The following ABCC10 variants were observed in gnomAD, a reference collection of about 807,000 sequenced individuals.
The protein encoded by ABCC10 is ATP binding cassette subfamily C member 10.
In ABCC10, 110 loss-of-function variants were observed where a neutral mutation model predicts 143.2. The observed-to-expected ratio is 0.77, with a 90% CI of 0.66 to 0.90. ABCC10 has a LOEUF of 0.90. Ranked by LOEUF, ABCC10 falls within the 40% of genes least tolerant of loss-of-function variation. The pLI is 0.00. For missense variants in ABCC10, 1,700 were observed against 1,900.5 expected (o/e 0.89, Z 1.96); for synonymous variants, 805 against 846.7 (o/e 0.95, Z 0.85).
chr6:43,446,445 A>G lies in ABCC10; in HGVS notation c.3543A>G (p.Pro1181=), dbSNP rs1031944381. The G allele has an allele frequency of 6.2e-6, 10 of 1,609,830 alleles. No homozygotes were observed. In the African/African-American group the frequency reaches 1.1e-4, roughly 17 times the overall value. Residue 1181 remains proline, a splice_region_variant and synonymous_variant, in exon 16 of 22, where the codon CCA becomes CCG. Transcript: ENST00000372530. ...LVQHQQGLAN[P]GLVGLSLSYA... ...AGCACCAGCAGGGCCTCGCTAACCC[A>G]GGTGCCACCCAGGACCCCTCACCCC...
chr6:43,451,867 T>C (rs1783764664), downstream of ABCC10: 6 of 1,579,888 alleles, frequency 3.8e-6, no homozygotes. This position sits in a 1 kb window ranked among gnomAD's most constrained non-coding sequence, Gnocchi z 4.4. Flanking sequence ...CTCCCAACAG[T>C]CCTGCCTCTT....
At chr6:43,429,579 A>C (rs1352686137) in intron 2 of ABCC10, among the ~76,000 whole-genome samples, 1 of 152,054 alleles carries the variant, frequency 6.6e-6, no homozygotes, top group African/African-American at 2.4e-5. Context: ...CCACAAGTGC[A>C]TGCCACCACA....
At chr6:43,433,602 C>G (rs1313577035) in intron 3 of ABCC10, among the ~76,000 whole-genome samples, 2 of 152,224 alleles carry the variant, frequency 1.3e-5, no homozygotes, top group African/African-American at 2.4e-5. Flanking sequence ...ATAGTAGTAG[C>G]TTACCTTGTA....
chr6:43,437,965 G>C lies in ABCC10; in HGVS notation c.1907G>C (p.Gly636Ala). The C allele has an allele frequency of 6.2e-7, 1 of 1,613,318 alleles. No individual in the cohort carries two copies. The highest frequency in any genetic ancestry group is 8.5e-7 in the Non-Finnish European group (1 of 1,179,784). Residue 636 changes from glycine (G) to alanine (A), a missense_variant, in exon 7 of 22, where the codon GGC becomes GCC. By Grantham distance (60) the Gly-to-Ala change is moderately conservative. Coordinates refer to ENST00000372530, the MANE Select transcript of ABCC10 (RefSeq NM_001198934.2). Reference protein sequence around the residue: ...GMLVGIVGKVGCGKSSLLAAI... With the variant: ...GMLVGIVGKVACGKSSLLAAI... ...CTGGTGGGCATCGTGGGGAAGGTCG[G>C]CTGTGGGAAGAGCTCCCTGCTGGCT...
chr6:43,439,506 G>A (rs892990016), intron 8 of ABCC10, among the ~76,000 whole-genome samples: 2 of 151,752 alleles, frequency 1.3e-5, no homozygotes, highest in Non-Finnish European at 2.9e-5. Flanking sequence ...GGGCTCAAAT[G>A]ATCCTCCCAC....
At position 43,433,055 on chromosome 6, in the gene ABCC10, G is replaced by A. The variant is rs1277726330; in HGVS notation, c.1075G>A (p.Val359Met). ...YKVTLQARGA[V>M]LNILYCKALQ... is the part of the protein sequence containing the mutation. ...GGTAACACTTCAGGCACGGGGGGCT[G>A]TGCTGAACATCCTGTACTGCAAGGC... Residue 359 changes from valine to methionine, a missense_variant, in exon 3 of 22, where the codon GTG (valine) becomes ATG (methionine). Val to Met is a conservative substitution (Grantham distance 21). Transcript: ENST00000372530. 1.2e-6 allele frequency: 2 copies of A among 1,614,074 alleles called. No individual in the cohort carries two copies. The highest frequency in any genetic ancestry group is 4.5e-5 in the East Asian group (2 of 44,896).
Position 43,449,045 on chromosome 6 carries a change from C to T in ABCC10, c.4105+19C>T, listed in dbSNP as rs1161198361. The T allele has an allele frequency of 1.9e-6, 3 of 1,613,302 alleles. No individual in the cohort carries two copies. Among genetic ancestry groups the T allele is most frequent in the Admixed American group, 1.7e-5 (1 of 59,982 alleles). ...TCCATGGGTGAGTGCTGGACCCTGA[C>T]CTTAGAGCAAGAAGGGAGCAGGGAT... On this transcript the variant is annotated intron_variant, in intron 19 of 21. Coordinates refer to ENST00000372530, the MANE Select transcript of ABCC10 (RefSeq NM_001198934.2).
chr6:43,445,225 T>C lies in ABCC10; in HGVS notation c.2941T>C (p.Cys981Arg). The change falls in exon 14 of 22, where the codon TGC becomes CGC. Residue 981 changes from cysteine (C) to arginine (R), a missense_variant. Transcript: ENST00000372530. ...GACCATTGCTGGTGTAAATTCCCTC[T>C]GCACCCTTCTCCGGGCAGTGCTCTT... is the stretch of plus-strand genomic sequence containing the variant. ...YATIAGVNSLCTLLRAVLFAA... is the reference protein window; with the variant it reads ...YATIAGVNSLRTLLRAVLFAA... The C allele has an allele frequency of 6.2e-7, 1 of 1,614,096 alleles. No homozygotes were observed. The highest frequency in any genetic ancestry group is 2.2e-5 in the East Asian group (1 of 44,872).
At chr6:43,451,629 C>T (rs116610048), downstream of ABCC10, among the ~76,000 whole-genome samples, 1,034 of 152,222 alleles carry the variant, frequency 6.8e-3, 16 homozygotes, top group African/African-American at 0.023. The surrounding 1 kb of genome is among the most constrained non-coding windows in gnomAD (Gnocchi z 4.4). Context: ...TGCAAGCCAG[C>T]GTTCAGGAGA....
intron 16 of ABCC10, 194 bp from the exon 17 acceptor site, chr6:43,447,054 G>T (rs1388981474): frequency 4.9e-6 from 4 of 810,580 alleles, no homozygotes; most frequent in African/African-American, 3.5e-5. Flanking sequence ...CACCATGTTG[G>T]CCAGGCTGGT....
chr6:43,432,563 C>G lies in ABCC10; in HGVS notation c.583C>G (p.Pro195Ala), dbSNP rs1169697092. 1.9e-6 allele frequency: 3 copies of G among 1,613,296 alleles called. No individual in the cohort carries two copies. Among genetic ancestry groups the G allele is most frequent in the Admixed American group, 1.7e-5 (1 of 60,014 alleles). The change falls in exon 3 of 22, where the codon CCA becomes GCA. Residue 195 changes from proline to alanine, a missense_variant. Transcript: ENST00000372530. ...YALGWAAPGG[P>A]REPWAQEPLL... is the part of the protein sequence containing the mutation. ...ACTGGGATGGGCAGCTCCTGGGGGACCACGAGAACCCTGGGCTCAGGAGCC... is the reference window on the plus strand; with the variant it reads ...ACTGGGATGGGCAGCTCCTGGGGGAGCACGAGAACCCTGGGCTCAGGAGCC...
chr6:43,451,130 G>A (rs930519207), downstream of ABCC10: 1 of 1,614,108 alleles, frequency 6.2e-7, no homozygotes, highest in Non-Finnish European at 8.5e-7. This position sits in a 1 kb window ranked among gnomAD's most constrained non-coding sequence, Gnocchi z 4.4. Flanking sequence ...CAAGGCAGGT[G>A]GCACCGTTAG....
In ABCC10 at chr6:43,442,711, A is replaced by G. The variant is rs1782604483; in HGVS notation, c.2227-259A>G. ...ATGCCACTGCACTCCAGCCTGGGCA[A>G]CAGAGCAAGACCATGTCTCAAAAAA... On this transcript the variant is annotated intron_variant, in intron 9 of 21. Coordinates refer to ENST00000372530, the MANE Select transcript of ABCC10 (RefSeq NM_001198934.2). Among the ~76,000 whole-genome samples the G allele has an allele frequency of 3.3e-5, 5 of 151,948 alleles. No individual in the cohort carries two copies. In the South Asian group the frequency reaches 1.0e-3, roughly 32 times the overall value.
chr6:43,437,165 A>T (rs959478780), intron 6 of ABCC10, among the ~76,000 whole-genome samples: 1 of 152,026 alleles, frequency 6.6e-6, no homozygotes, highest in African/African-American at 2.4e-5. Context: ...CACACCCTCC[A>T]CTGAGCAGAA....
Position 43,443,005 on chromosome 6 carries a change from C to T in ABCC10, c.2262C>T (p.Ala754=), listed in dbSNP as rs376369709. Residue 754 remains alanine (A), a synonymous_variant, in exon 10 of 22, where the codon GCC becomes GCT. Transcript: ENST00000372530. This position sits in a 1 kb window ranked among gnomAD's most constrained non-coding sequence, Gnocchi z 4.2. ...KELYLLDDPL[A]AVDADVANHL... ...TCTATCTCCTCGATGACCCTCTGGCCGCTGTGGATGCAGATGTGGCCAACC... is the reference window on the plus strand; with the variant it reads ...TCTATCTCCTCGATGACCCTCTGGCTGCTGTGGATGCAGATGTGGCCAACC... The T allele has an allele frequency of 2.1e-5, 33 of 1,608,026 alleles. No homozygotes were observed. Among genetic ancestry groups the T allele is most frequent in the Middle Eastern group, 1.7e-4 (1 of 6,046 alleles).
rs759314146 is a variant in ABCC10 at position 43,447,279 on chromosome 6, G to C, written c.3576G>C (p.Leu1192=). The C allele has an allele frequency of 6.2e-7, 1 of 1,613,766 alleles. No homozygotes were observed. The highest frequency in any genetic ancestry group is 1.1e-5 in the South Asian group (1 of 91,078). Residue 1192 remains leucine (L), a synonymous_variant, in exon 17 of 22, where the codon CTG becomes CTC. Coordinates refer to ENST00000372530, the MANE Select transcript of ABCC10 (RefSeq NM_001198934.2). ...GLVGLSLSYA[L]SLTGLLSGLV... ...TGGGCTTGTCGCTGTCTTATGCCCT[G>C]TCCCTGACGGGCCTGCTCTCGGGCC... is the stretch of plus-strand genomic sequence containing the variant.
intron 14 of ABCC10, 133 bp from the exon 15 acceptor site, chr6:43,445,466 A>G: frequency 3.7e-6 from 5 of 1,352,354 alleles, no homozygotes; most frequent in Non-Finnish European, 5.1e-6. Context: ...TCTGCCCCCA[A>G]ATTCTGGGGA....
At chr6:43,450,657 G>A, downstream of ABCC10, 2 of 1,613,898 alleles carry the variant, frequency 1.2e-6, no homozygotes, top group Non-Finnish European at 1.7e-6. The surrounding 1 kb of genome is among the most constrained non-coding windows in gnomAD (Gnocchi z 4.5). Flanking sequence ...GTGTGGGGCA[G>A]GGTAGCAACA....
In ABCC10 at chr6:43,437,942, G is replaced by A; in HGVS notation, c.1884G>A (p.Leu628=). 6.2e-7 allele frequency: 1 copy of A among 1,612,890 alleles called. No homozygotes were observed. Among genetic ancestry groups the A allele is most frequent in the Non-Finnish European group, 8.5e-7 (1 of 1,179,614 alleles). The change falls in exon 7 of 22, where the codon CTG becomes CTA. Residue 628 remains leucine (L), a synonymous_variant. Coordinates refer to ENST00000372530, the MANE Select transcript of ABCC10 (RefSeq NM_001198934.2). ...ISHLEVKKGM[L]VGIVGKVGCG... Reference sequence around the variant, plus strand: ...GTGTGGCTTCCTTGCAGGGTATGCTGGTGGGCATCGTGGGGAAGGTCGGCT... The same window carrying A: ...GTGTGGCTTCCTTGCAGGGTATGCTAGTGGGCATCGTGGGGAAGGTCGGCT...
Sources: allele counts gnomAD v4.1 joint callset (sites outside exome capture counted in the v4.1 genomes callset), GRCh38; gene constraint gnomAD v4.1.1; non-coding constraint Gnocchi (gnomAD v3.1); transcripts MANE v1.5; gene names NCBI Gene and HGNC (gene_info 2026-07-23, HGNC 2026-07-21).